ZNF83: variants seen among roughly 807,000 people sequenced by gnomAD.
ZNF83 encodes the protein zinc finger protein 83.
For synonymous variants in ZNF83, 209 were observed against 213.0 expected, an observed-to-expected ratio of 0.98 and a Z score of 0.17; for missense variants, 552 against 629.9, an observed-to-expected ratio of 0.88 and a Z score of 1.32.
chr19:52,685,282 G>A (rs574892279), intron 1 of ZNF83, among the ~76,000 whole-genome samples: 6 of 152,152 alleles, frequency 3.9e-5, no homozygotes, highest in East Asian at 1.9e-4. Flanking sequence ...CATTTTCACC[G>A]AGTTACCCTG....
chr19:52,677,573 C>T (rs896715299), intron 1 of ZNF83, among the ~76,000 whole-genome samples: 2 of 152,008 alleles, frequency 1.3e-5, no homozygotes, highest in South Asian at 2.1e-4. Flanking sequence ...AATTAAATGG[C>T]CTCTGATTTC....
intron 3 of ZNF83, chr19:52,654,151 C>T (rs578207620): frequency 6.2e-7 from 1 of 1,605,754 alleles, no homozygotes; most frequent in Non-Finnish European, 8.5e-7. Flanking sequence ...AGGCTTGTTT[C>T]CAGCATGCCT....
At chr19:52,640,726 G>A (rs902039857), upstream of ZNF83, among the ~76,000 whole-genome samples, 1 of 152,044 alleles carries the variant, frequency 6.6e-6, no homozygotes, top group East Asian at 1.9e-4. Flanking sequence ...ACTGAGGGGG[G>A]AGTTCGCCCC....
At chr19:52,677,391 C>A (rs2061834438) in intron 1 of ZNF83, among the ~76,000 whole-genome samples, 1 of 150,474 alleles carries the variant, frequency 6.6e-6, no homozygotes, top group African/African-American at 2.4e-5. Flanking sequence ...GAGGCTGAGG[C>A]AGGAGAATTG....
At chr19:52,650,956 G>C (rs1433406376) in intron 3 of ZNF83, 1 of 152,142 alleles carries the variant, frequency 6.6e-6, no homozygotes, top group African/African-American at 2.4e-5. Context: ...AACTCCCAGG[G>C]AAACAGTGAA....
At chr19:52,613,367 G>T (rs780828990) in exon 3 of ZNF83, 11 of 1,613,672 alleles carry the variant, frequency 6.8e-6, no homozygotes, top group Non-Finnish European at 9.3e-6. Flanking sequence ...CATTTGTAAG[G>T]TTTCTCTCCA....
intron 1 of ZNF83, among the ~76,000 whole-genome samples, chr19:52,676,171 C>G (rs1248610183): frequency 6.6e-6 from 1 of 152,174 alleles, no homozygotes; most frequent in African/African-American, 2.4e-5. Flanking sequence ...TTGGTGGAGA[C>G]GGGGTTTCGC....
At chr19:52,676,175 G>GT (rs2061800827) in intron 1 of ZNF83, among the ~76,000 whole-genome samples, 3 of 152,200 alleles carry the variant, frequency 2.0e-5, no homozygotes, top group African/African-American at 7.2e-5. Context: ...TGGAGACGGG[G>GT]TTTCGCTGTG....
At chr19:52,631,951 T>C (rs2060982408) in intron 2 of ZNF83, among the ~76,000 whole-genome samples, 1 of 144,726 alleles carries the variant, frequency 6.9e-6, no homozygotes, top group South Asian at 2.2e-4. Context: ...CTCCCTTCCC[T>C]ACACATCAAG....
chr19:52,613,466 G>T (rs1568523014), exon 3 of ZNF83: 2 of 1,614,024 alleles, frequency 1.2e-6, no homozygotes, highest in South Asian at 2.2e-5. Context: ...TCACCGGCAT[G>T]AATTATCAGA....
At position 52,614,618 on chromosome 19, in the gene ZNF83, G is replaced by A. The variant is rs758787734; in HGVS notation, c.-54C>T. ...TAGGTCACACGCACTCGCTTATAAT[G>A]TCTTCAATCATGTTTCCACAGACAC... On this transcript the variant is annotated 5_prime_UTR_variant, in exon 3 of 3. Coordinates refer to ENST00000301096, the Ensembl canonical transcript of ZNF83. 7 of 1,489,244 alleles carry A rather than the reference G, an allele frequency of 4.7e-6. No homozygotes were observed. The Admixed American group carries it at 9.6e-5, about 20-fold the overall frequency. 92.3% of individuals were successfully genotyped at this position (1,489,244 alleles called of 1,614,324 possible). A position where few individuals can be genotyped will look rare whatever the true frequency, so the allele number is the denominator to read the frequency against.
intron 1 of ZNF83, among the ~76,000 whole-genome samples, chr19:52,675,127 T>A (rs771299587): frequency 3.9e-5 from 6 of 152,186 alleles, no homozygotes; most frequent in Non-Finnish European, 7.3e-5. Context: ...CAAAGGAAGT[T>A]CAGAATCTGT....
intron 1 of ZNF83, among the ~76,000 whole-genome samples, chr19:52,675,623 T>C (rs1446473293): frequency 2.0e-5 from 3 of 152,124 alleles, no homozygotes; most frequent in Non-Finnish European, 4.4e-5. Flanking sequence ...ATTGGGGTGT[T>C]CAGCATTACA....
intron 1 of ZNF83, among the ~76,000 whole-genome samples, chr19:52,668,209 G>A (rs1471609249): frequency 6.6e-6 from 1 of 152,086 alleles, no homozygotes; most frequent in Non-Finnish European, 1.5e-5. Flanking sequence ...ATGGAAACTC[G>A]AGCCAGCCTA....
chr19:52,671,329 T>C (rs576634868), intron 1 of ZNF83, among the ~76,000 whole-genome samples: 8 of 152,356 alleles, frequency 5.3e-5, no homozygotes, highest in Non-Finnish European at 1.0e-4. Flanking sequence ...TTACGATAAA[T>C]GTTGTTGACA....
At chr19:52,617,845 A>T (rs1291552555) in intron 2 of ZNF83, 1 of 152,636 alleles carries the variant, frequency 6.6e-6, no homozygotes, top group Non-Finnish European at 1.5e-5. Context: ...CCTGCTTATA[A>T]AAAGTAGGAA....
At chr19:52,669,109 T>C (rs2061690769) in intron 1 of ZNF83, among the ~76,000 whole-genome samples, 1 of 152,252 alleles carries the variant, frequency 6.6e-6, no homozygotes, top group Non-Finnish European at 1.5e-5. Context: ...AGTGGTATTA[T>C]GGTGGACCTT....
chr19:52,630,037 G>C (rs1319615359), intron 2 of ZNF83, among the ~76,000 whole-genome samples: 2 of 152,164 alleles, frequency 1.3e-5, no homozygotes, highest in Non-Finnish European at 2.9e-5. Flanking sequence ...CCTCCCCCAG[G>C]AGCTTGCTAC....
intron 2 of ZNF83, among the ~76,000 whole-genome samples, chr19:52,615,728 G>A (rs538234204): frequency 6.6e-6 from 1 of 152,330 alleles, no homozygotes; most frequent in Admixed American, 6.5e-5. Flanking sequence ...TGAAGTTTAG[G>A]ATGTAAGCAT....
Sources: allele counts gnomAD v4.1 joint callset (sites outside exome capture counted in the v4.1 genomes callset), GRCh38; gene constraint gnomAD v4.1.1; transcripts MANE v1.5; gene names NCBI Gene and HGNC (gene_info 2026-07-23, HGNC 2026-07-21).